The following LRMDA variants were observed in gnomAD, a reference collection of about 807,000 sequenced individuals.
LRMDA encodes the protein leucine-rich melanocyte differentiation-associated protein.
LRMDA carries 18 observed loss-of-function variants against 29.8 expected under a neutral mutation model. The observed-to-expected ratio is 0.60, with a 90% CI of 0.42 to 0.90. LRMDA has a LOEUF of 0.90. Ranked by LOEUF, LRMDA falls within the 40% of genes least tolerant of loss-of-function variation. The probability of loss-of-function intolerance (pLI) is 0.00; values close to 1 mark genes in which losing one functional copy is unlikely to be tolerated. For missense variants in LRMDA, 273 were observed against 273.9 expected (o/e 1.00, Z 0.02); for synonymous variants, 125 against 109.4 (o/e 1.14, Z -0.89).
intron 2 of LRMDA, among the ~76,000 whole-genome samples, chr10:75,563,400 T>G (rs1447762796): frequency 6.6e-6 from 1 of 152,168 alleles, no homozygotes; most frequent in Non-Finnish European, 1.5e-5. Flanking sequence ...TAAGCACTTC[T>G]CTGTATTGGT....
At chr10:76,469,671 A>G (rs1842598728) in intron 6 of LRMDA, among the ~76,000 whole-genome samples, 1 of 152,098 alleles carries the variant, frequency 6.6e-6, no homozygotes, top group Non-Finnish European at 1.5e-5. Flanking sequence ...CATAATGAAG[A>G]TTTTGGTGGT....
intron 2 of LRMDA, among the ~76,000 whole-genome samples, chr10:75,787,801 G>A (rs1212876943): frequency 1.3e-5 from 2 of 152,226 alleles, no homozygotes; most frequent in Admixed American, 6.5e-5. Context: ...AGGCTGAAGA[G>A]GGCGGATCAT....
chr10:76,430,621 GA>G (rs1164987993), intron 6 of LRMDA, among the ~76,000 whole-genome samples: 1 of 152,154 alleles, frequency 6.6e-6, no homozygotes, highest in Non-Finnish European at 1.5e-5. Context: ...TCCTCCTAGG[GA>G]ACCACAGTGA....
intron 4 of LRMDA, among the ~76,000 whole-genome samples, chr10:76,058,263 G>T (rs1222851217): frequency 1.3e-5 from 2 of 152,176 alleles, no homozygotes; most frequent in Non-Finnish European, 2.9e-5. Context: ...ATGACCCATA[G>T]GAATGGCAGT....
At chr10:75,792,125 T>C (rs1174353040) in intron 2 of LRMDA, among the ~76,000 whole-genome samples, 3 of 152,112 alleles carry the variant, frequency 2.0e-5, no homozygotes, top group Non-Finnish European at 4.4e-5. Context: ...CTCAAAGTGC[T>C]GCGGGCGTGA....
At chr10:75,431,860 G>A in intron 1 of LRMDA, 106 bp downstream of exon 1, 1 of 1,123,456 alleles carries the variant, frequency 8.9e-7, no homozygotes, top group Non-Finnish European at 1.1e-6. Context: ...CCCCGCCTCA[G>A]GGGGCTGCGT....
At chr10:75,831,327 G>A (rs753017090) in intron 2 of LRMDA, among the ~76,000 whole-genome samples, 4 of 152,276 alleles carry the variant, frequency 2.6e-5, no homozygotes, top group South Asian at 2.1e-4. Context: ...GATTACAAGC[G>A]TGAGCCACCA....
chr10:75,472,854 T>G (rs951431986), intron 2 of LRMDA, among the ~76,000 whole-genome samples: 3 of 152,202 alleles, frequency 2.0e-5, no homozygotes, highest in Admixed American at 6.5e-5. Context: ...AGTTTCCCTC[T>G]CTTGCTGAGG....
chr10:76,195,834 A>G (rs1851322487), intron 5 of LRMDA, among the ~76,000 whole-genome samples: 1 of 152,224 alleles, frequency 6.6e-6, no homozygotes, highest in Non-Finnish European at 1.5e-5. Flanking sequence ...CTGTTTTAAT[A>G]CTTGCTTGGT....
chr10:75,630,351 G>C (rs569333355), intron 2 of LRMDA, among the ~76,000 whole-genome samples: 2 of 152,218 alleles, frequency 1.3e-5, no homozygotes, highest in South Asian at 4.1e-4. Flanking sequence ...GCATAGTTTC[G>C]GAGACCAGTC....
chr10:75,518,849 A>T (rs1845325356), intron 2 of LRMDA, among the ~76,000 whole-genome samples: 1 of 152,130 alleles, frequency 6.6e-6, no homozygotes, highest in Admixed American at 6.5e-5. Flanking sequence ...AGTGCTATAA[A>T]TTTCCCTCTA....
At chr10:75,921,038 A>G (rs553578113) in intron 2 of LRMDA, among the ~76,000 whole-genome samples, 3 of 152,342 alleles carry the variant, frequency 2.0e-5, no homozygotes, top group African/African-American at 7.2e-5. Context: ...GTAGGGAGAA[A>G]CAAATGGATT....
intron 2 of LRMDA, among the ~76,000 whole-genome samples, chr10:75,711,430 T>G (rs1166218086): frequency 1.3e-5 from 2 of 152,224 alleles, no homozygotes; most frequent in South Asian, 2.1e-4. Context: ...TAGGTATAAT[T>G]ATCACTAGTT....
At chr10:75,797,508 C>T (rs1029961639) in intron 2 of LRMDA, among the ~76,000 whole-genome samples, 3 of 152,136 alleles carry the variant, frequency 2.0e-5, no homozygotes, top group Non-Finnish European at 4.4e-5. Flanking sequence ...TAGAAGATTT[C>T]TGTCACCCTT....
intron 2 of LRMDA, among the ~76,000 whole-genome samples, chr10:75,943,915 A>G (rs553042834): frequency 6.6e-6 from 1 of 152,322 alleles, no homozygotes; most frequent in African/African-American, 2.4e-5. Flanking sequence ...ATGTACTACA[A>G]TGTTAACATT....
At chr10:75,782,646 T>G in intron 2 of LRMDA, 2 of 920,856 alleles carry the variant, frequency 2.2e-6, no homozygotes, top group Non-Finnish European at 2.7e-6. Flanking sequence ...GTTCTGAGCT[T>G]CTTTTGACTT....
Position 75,683,164 on chromosome 10 carries a change from A to AT in LRMDA, c.131+244674dup, listed in dbSNP as rs1248801473. ...TAAAAACAATAATGGGCCTATTCAG[A>AT]TTTTATCTGTAATTTTACTTTGTTG... is the stretch of plus-strand genomic sequence containing the variant. On this transcript the variant is annotated intron_variant, in intron 2 of 6. Coordinates refer to ENST00000611255, the MANE Select transcript of LRMDA (RefSeq NM_001305581.2). Among the ~76,000 whole-genome samples, 3 of 152,216 alleles carry AT rather than the reference A, an allele frequency of 2.0e-5. No individual in the cohort carries two copies. In the East Asian group the frequency reaches 5.8e-4, roughly 29 times the overall value.
At chr10:75,758,950 AT>A (rs57108453) in intron 2 of LRMDA, among the ~76,000 whole-genome samples, 6,446 of 141,606 alleles carry the variant, frequency 0.046, 325 homozygotes, top group African/African-American at 0.13. Context: ...CTTTGCCAGT[AT>A]TTTTTTTTTT....
intron 2 of LRMDA, among the ~76,000 whole-genome samples, chr10:75,477,114 C>T (rs1228028931): frequency 6.6e-6 from 1 of 152,030 alleles, no homozygotes; most frequent in Non-Finnish European, 1.5e-5. Flanking sequence ...CCTCAGCTTC[C>T]CAAGTAGATA....
Sources: allele counts gnomAD v4.1 joint callset (sites outside exome capture counted in the v4.1 genomes callset), GRCh38; gene constraint gnomAD v4.1.1; transcripts MANE v1.5; gene names NCBI Gene and HGNC (gene_info 2026-07-23, HGNC 2026-07-21).